MYO1D: variants seen among roughly 807,000 people sequenced by gnomAD.
The protein encoded by MYO1D is myosin ID, also known as unconventional myosin-Id.
MYO1D carries 83 observed loss-of-function variants against 122.0 expected under a neutral mutation model. That is an observed-to-expected ratio of 0.68 (90% CI 0.57 to 0.82). The LOEUF (loss-of-function observed/expected upper bound fraction) is 0.82, where lower values mean the gene tolerates loss of function less well. MYO1D is among the 40% of genes least tolerant of loss of function. MYO1D has a pLI of 0.00. For synonymous variants in MYO1D, 464 were observed against 446.9 expected (o/e 1.04, Z -0.48); for missense variants, 1,157 against 1,269.5 (o/e 0.91, Z 1.35).
intron 13 of MYO1D, among the ~76,000 whole-genome samples, chr17:32,744,361 A>C (rs2089807543): frequency 6.6e-6 from 1 of 151,986 alleles, no homozygotes; most frequent in Non-Finnish European, 1.5e-5. Flanking sequence ...CCTCATCTGT[A>C]CCCTTCAATC....
At chr17:32,613,085 T>C (rs1241615548) in intron 20 of MYO1D, among the ~76,000 whole-genome samples, 1 of 152,112 alleles carries the variant, frequency 6.6e-6, no homozygotes, top group Non-Finnish European at 1.5e-5. Context: ...CATGATTTTA[T>C]AGGAAAATAT....
intron 14 of MYO1D, among the ~76,000 whole-genome samples, chr17:32,729,495 A>T (rs538831893): frequency 5.9e-5 from 9 of 152,202 alleles, no homozygotes; most frequent in Non-Finnish European, 1.2e-4. Context: ...ACTAGGTAAT[A>T]CTTATCAATC....
chr17:32,511,508 C>T (rs1909694612), intron 21 of MYO1D, among the ~76,000 whole-genome samples: 1 of 151,224 alleles, frequency 6.6e-6, no homozygotes, highest in African/African-American at 2.5e-5. Flanking sequence ...TATCCAGCTC[C>T]CCCCGCGAAC....
intron 10 of MYO1D, among the ~76,000 whole-genome samples, chr17:32,757,428 T>C (rs561679869): frequency 1.3e-5 from 2 of 152,198 alleles, no homozygotes; most frequent in Non-Finnish European, 2.9e-5. Flanking sequence ...CTACAATGCA[T>C]AGAACAGCCT....
intron 21 of MYO1D, among the ~76,000 whole-genome samples, chr17:32,586,387 T>TA (rs1490836405): frequency 6.6e-6 from 1 of 152,234 alleles, no homozygotes; most frequent in East Asian, 1.9e-4. Flanking sequence ...GAGGCTTTCC[T>TA]ATTCCCTATG....
chr17:32,521,299 A>G (rs1910129395), intron 21 of MYO1D, among the ~76,000 whole-genome samples: 1 of 152,162 alleles, frequency 6.6e-6, no homozygotes, highest in South Asian at 2.1e-4. Context: ...AAAATAGGGA[A>G]GAGAAGGCTC....
chr17:32,520,006 A>C (rs1200078124), intron 21 of MYO1D, among the ~76,000 whole-genome samples: 1 of 151,858 alleles, frequency 6.6e-6, no homozygotes, highest in Non-Finnish European at 1.5e-5. Context: ...AACCCTGAAG[A>C]CTCAGGCCCA....
chr17:32,842,839 C>T (rs1176709298), intron 1 of MYO1D, among the ~76,000 whole-genome samples: 4 of 151,432 alleles, frequency 2.6e-5, no homozygotes, highest in South Asian at 4.2e-4. Flanking sequence ...ACAAGTTTTT[C>T]GTACTCAACA....
chr17:32,781,904 A>C (rs542769900), intron 1 of MYO1D, among the ~76,000 whole-genome samples: 1 of 152,366 alleles, frequency 6.6e-6, no homozygotes, highest in Admixed American at 6.5e-5. Context: ...CCCAGAGCTT[A>C]GATGTTTCCA....
intron 16 of MYO1D, among the ~76,000 whole-genome samples, chr17:32,661,651 GT>G (rs2088566908): frequency 2.7e-5 from 2 of 74,170 alleles, no homozygotes; most frequent in South Asian, 8.0e-4. Context: ...GTGAGACCCT[GT>G]CCCAAAAAAA....
chr17:32,858,829 T>C (rs2091047813), intron 1 of MYO1D, among the ~76,000 whole-genome samples: 1 of 152,216 alleles, frequency 6.6e-6, no homozygotes, highest in African/African-American at 2.4e-5. Context: ...GGACTCATGG[T>C]TTCCGATTTC....
intron 21 of MYO1D, among the ~76,000 whole-genome samples, chr17:32,496,565 C>T (rs1376642247): frequency 2.0e-5 from 3 of 152,188 alleles, no homozygotes; most frequent in Non-Finnish European, 4.4e-5. Flanking sequence ...CCCTTGGCGG[C>T]GGGGTCCAGG....
At chr17:32,541,370 G>A (rs1051785441) in intron 21 of MYO1D, among the ~76,000 whole-genome samples, 3 of 152,210 alleles carry the variant, frequency 2.0e-5, no homozygotes, top group Non-Finnish European at 1.5e-5. Context: ...GATATGAAAT[G>A]TCCAGTGTAG....
intron 16 of MYO1D, among the ~76,000 whole-genome samples, chr17:32,669,383 C>T (rs979187727): frequency 6.6e-6 from 1 of 152,184 alleles, no homozygotes; most frequent in Non-Finnish European, 1.5e-5. Context: ...AGTTCCTAGT[C>T]ACTTTCTCAC....
At chr17:32,506,581 G>A (rs1015617130) in intron 21 of MYO1D, among the ~76,000 whole-genome samples, 6 of 152,064 alleles carry the variant, frequency 3.9e-5, no homozygotes, top group East Asian at 3.8e-4. Context: ...GAAGAAACAC[G>A]GGAACAAGAA....
chr17:32,618,295 TA>T (rs1371806785), intron 20 of MYO1D, among the ~76,000 whole-genome samples: 1 of 152,324 alleles, frequency 6.6e-6, no homozygotes, highest in Admixed American at 6.5e-5. Context: ...ATCAACTGAT[TA>T]AAAGGGCTAA....
chr17:32,501,315 CTCAGAAGCA>C (rs1230204319), intron 21 of MYO1D, among the ~76,000 whole-genome samples: 1 of 152,138 alleles, frequency 6.6e-6, no homozygotes, highest in African/African-American at 2.4e-5. Flanking sequence ...CCTCAGAAGC[CTCAGAAGCA>C]GCCCTCAGGA....
At chr17:32,549,805 A>G (rs529989854) in intron 21 of MYO1D, among the ~76,000 whole-genome samples, 123 of 152,342 alleles carry the variant, frequency 8.1e-4, no homozygotes, top group African/African-American at 2.9e-3. Context: ...TGCATTAACT[A>G]TCTTATGGAA....
intron 1 of MYO1D, among the ~76,000 whole-genome samples, chr17:32,837,283 C>T (rs201005194): frequency 9.8e-5 from 13 of 132,718 alleles, no homozygotes; most frequent in African/African-American, 1.7e-4. Flanking sequence ...GGCTGTTTGT[C>T]TTTTTTTTTC....
Sources: allele counts gnomAD v4.1 joint callset (sites outside exome capture counted in the v4.1 genomes callset), GRCh38; gene constraint gnomAD v4.1.1; transcripts MANE v1.5; gene names NCBI Gene and HGNC (gene_info 2026-07-23, HGNC 2026-07-21).